POLQ: variants seen among roughly 807,000 people sequenced by gnomAD.
POLQ encodes the protein DNA polymerase theta, also known as epididymis secretory sperm binding protein.
In POLQ, 233 loss-of-function variants were observed where a neutral mutation model predicts 259.2. The observed-to-expected ratio is 0.90, with a 90% CI of 0.81 to 1.00. POLQ has a LOEUF of 1.00. Among genes scored for constraint, POLQ ranks in the 50% least tolerant of loss-of-function variants. POLQ has a pLI of 0.00. For missense variants in POLQ, 2,871 were observed against 3,051.6 expected (o/e 0.94, Z 1.39); for synonymous variants, 1,025 against 1,048.8 (o/e 0.98, Z 0.44).
rs763995277 is a variant in POLQ, at chr3:121,432,974, T to TGAA, written c.7600_7602dup (p.Phe2534dup). On this transcript the variant is annotated inframe_insertion, in exon 29 of 30. Transcript: ENST00000264233. ...AGGAGTTCATCATGGAGTTGAAGGA[T>TGAA]GAAGAAGCCTCCTCTGATTGGGCAG... The TGAA allele has an allele frequency of 1.2e-5, 19 of 1,612,598 alleles. No homozygotes were observed. The highest frequency in any genetic ancestry group is 1.5e-5 in the Non-Finnish European group (18 of 1,178,750).
chr3:121,474,694 A>C (rs1269604909), intron 20 of POLQ, among the ~76,000 whole-genome samples: 1 of 152,198 alleles, frequency 6.6e-6, no homozygotes, highest in African/African-American at 2.4e-5. Context: ...TAGGAATGAA[A>C]GGTACTGAGG....
At chr3:121,534,477 C>T (rs377732106) in intron 5 of POLQ, among the ~76,000 whole-genome samples, 1 of 152,078 alleles carries the variant, frequency 6.6e-6, no homozygotes, top group Non-Finnish European at 1.5e-5. Flanking sequence ...GTATGCATCA[C>T]CACGCCCAGC....
In POLQ at chr3:121,493,734, T is replaced by G. The variant is rs781406646; in HGVS notation, c.2279-13A>C. 1 of 1,599,142 alleles carries G rather than the reference T, an allele frequency of 6.3e-7. No individual in the cohort carries two copies. Among genetic ancestry groups the G allele is most frequent in the Middle Eastern group, 1.7e-4 (1 of 6,008 alleles). ...ACTGTAATCATCCCTAGAACATTCA[T>G]AGAATATTTGTTGAATTCAATTTTT... is the stretch of plus-strand genomic sequence containing the variant. On this transcript the variant is annotated splice_polypyrimidine_tract_variant and intron_variant, in intron 14 of 29. Coordinates refer to ENST00000264233, the MANE Select transcript of POLQ (RefSeq NM_199420.4).
At chr3:121,435,141 G>A (rs2047532530) in intron 28 of POLQ, among the ~76,000 whole-genome samples, 1 of 152,186 alleles carries the variant, frequency 6.6e-6, no homozygotes, top group South Asian at 2.1e-4. Context: ...TCCAGCCTGG[G>A]TGACAGAGTG....
intron 14 of POLQ, among the ~76,000 whole-genome samples, chr3:121,496,426 C>T (rs1216650525): frequency 1.3e-5 from 2 of 152,100 alleles, no homozygotes; most frequent in East Asian, 1.9e-4. Flanking sequence ...CCACCCGACT[C>T]GGCCTCCCAA....
chr3:121,480,512 G>T (rs766920811), intron 19 of POLQ, among the ~76,000 whole-genome samples: 16 of 151,112 alleles, frequency 1.1e-4, no homozygotes, highest in Non-Finnish European at 2.1e-4. Flanking sequence ...TTTGAGATGG[G>T]GTCTCACTAT....
At position 121,468,437 on chromosome 3, in the gene POLQ, A is replaced by T. The variant is rs1009532608; in HGVS notation, c.6719-6T>A. On this transcript the variant is annotated splice_polypyrimidine_tract_variant and splice_region_variant and intron_variant, in intron 22 of 29. Coordinates refer to ENST00000264233, the MANE Select transcript of POLQ (RefSeq NM_199420.4). Reference sequence around the variant, plus strand: ...TTCTGTAAAGGTTATTCGTCCTAAAATCAAGCAGAATAAAGACATAAAATC... The same window carrying T: ...TTCTGTAAAGGTTATTCGTCCTAAATTCAAGCAGAATAAAGACATAAAATC... 8.1e-6 allele frequency: 13 copies of T among 1,599,578 alleles called. No homozygotes were observed. Among genetic ancestry groups the T allele is most frequent in the African/African-American group, 1.3e-5 (1 of 74,528 alleles).
intron 2 of POLQ, among the ~76,000 whole-genome samples, chr3:121,542,383 C>T (rs1442023749): frequency 6.6e-6 from 1 of 151,900 alleles, no homozygotes; most frequent in Non-Finnish European, 1.5e-5. Context: ...CAGTGAGACT[C>T]TGTTCCAAAA....
At chr3:121,542,835 G>C (rs1280505341) in intron 2 of POLQ, among the ~76,000 whole-genome samples, 5 of 151,866 alleles carry the variant, frequency 3.3e-5, no homozygotes, top group African/African-American at 1.2e-4. Context: ...GACCACTTTG[G>C]GGCCGGGCGT....
chr3:121,476,483 C>CACAT (rs2047926336), intron 20 of POLQ, 57 bp downstream of exon 20: 1 of 1,122,098 alleles, frequency 8.9e-7, no homozygotes, highest in African/African-American at 1.7e-5. Flanking sequence ...CACACACACA[C>CACAT]ACAATCATTT....
Position 121,488,534 on chromosome 3 carries a change from C to T in POLQ, c.4397G>A (p.Arg1466Lys). Residue 1466 changes from arginine to lysine, a missense_variant, in exon 16 of 30, where the codon AGA (arginine) becomes AAA (lysine). This residue lies in a region of POLQ where 2,080 missense variants were observed against 2,126.0 expected (regional missense o/e 0.98). Transcript: ENST00000264233. ...TTCTCCTTCTACACCAGTGGGAGTT[C>T]TCTTTTGAGGAATCAGAAGTATAAC... is the stretch of plus-strand genomic sequence containing the variant. ...KPVILLIPQK[R>K]TPTGVEGECL... 1 of 1,611,106 alleles carries T rather than the reference C, an allele frequency of 6.2e-7. No individual in the cohort carries two copies. The highest frequency in any genetic ancestry group is 8.5e-7 in the Non-Finnish European group (1 of 1,179,144).
At chr3:121,520,223 A>G (rs1425070724) in intron 8 of POLQ, 140 bp from the exon 9 acceptor site, 1 of 632,240 alleles carries the variant, frequency 1.6e-6, no homozygotes, top group Non-Finnish European at 2.8e-6. Flanking sequence ...CAAAGGAGTC[A>G]TCACAGTCTA....
At chr3:121,538,523 A>C (rs549028467) in intron 4 of POLQ, among the ~76,000 whole-genome samples, 2 of 151,770 alleles carry the variant, frequency 1.3e-5, no homozygotes, top group South Asian at 4.2e-4. Flanking sequence ...TTTCCTATCA[A>C]TAAGCTGTCT....
chr3:121,479,918 T>C (rs2047957642), intron 19 of POLQ, among the ~76,000 whole-genome samples: 1 of 151,640 alleles, frequency 6.6e-6, no homozygotes, highest in Non-Finnish European at 1.5e-5. Context: ...AAAACAAAAG[T>C]AATAGGAAGA....
intron 20 of POLQ, 63 bp from the exon 21 acceptor site, chr3:121,473,550 T>G (rs2047902846): frequency 1.5e-6 from 2 of 1,343,878 alleles, no homozygotes; most frequent in East Asian, 2.3e-5. Context: ...ATTCAGAAAA[T>G]ATTTTAAGTT....
chr3:121,514,086 T>G (rs2048276779), intron 9 of POLQ, among the ~76,000 whole-genome samples: 1 of 142,144 alleles, frequency 7.0e-6, no homozygotes, highest in South Asian at 2.2e-4. Flanking sequence ...TCCAGCACTG[T>G]GGGAGGCCAA....
chr3:121,520,510 T>G (rs1248475068), intron 8 of POLQ, among the ~76,000 whole-genome samples: 1 of 152,154 alleles, frequency 6.6e-6, no homozygotes, highest in Admixed American at 6.5e-5. Context: ...CACTCCAGCC[T>G]GGGCAACAGA....
Position 121,487,425 on chromosome 3 carries a change from G to C in POLQ, c.5506C>G (p.Leu1836Val). 6.2e-7 allele frequency: 1 copy of C among 1,614,028 alleles called. No homozygotes were observed. ...SIIDVASDQNLFQTFIKEWRC... is the reference protein window; with the variant it reads ...SIIDVASDQNVFQTFIKEWRC... ...CACTCCTTAATGAATGTTTGGAAAA[G>C]ATTTTGGTCACTTGCTACATCAATT... The change falls in exon 16 of 30, where the codon CTT becomes GTT. Residue 1836 changes from leucine to valine, a missense_variant. This residue lies in a region of POLQ where 2,080 missense variants were observed against 2,126.0 expected (regional missense o/e 0.98). Transcript: ENST00000264233.
intron 6 of POLQ, among the ~76,000 whole-genome samples, chr3:121,531,241 A>C (rs780658752): frequency 6.6e-6 from 1 of 152,184 alleles, no homozygotes; most frequent in Admixed American, 6.5e-5. Flanking sequence ...AAGGGAAAAG[A>C]AATAGAGACC....
Sources: gnomAD v4.1 joint callset for allele counts (sites outside exome capture counted in the v4.1 genomes callset) on GRCh38, gnomAD v4.1.1 for gene constraint, gnomAD v4.1.1 regional missense constraint, MANE v1.5 for transcripts, NCBI Gene and HGNC (gene_info 2026-07-23, HGNC 2026-07-21) for gene names.